PHTF1: variants seen among roughly 807,000 people sequenced by gnomAD.
PHTF1 encodes the protein putative homeodomain transcription factor 1.
Under a neutral mutation model 102.4 loss-of-function variants are expected in PHTF1, and 88 were observed. The ratio of observed to expected loss-of-function variants is 0.86; its 90% CI spans 0.72 to 1.03. PHTF1 has a LOEUF of 1.03. PHTF1 is among the 50% of genes least tolerant of loss of function. The pLI, the probability that PHTF1 is intolerant of heterozygous loss-of-function variation, is 0.00. For missense variants in PHTF1, 814 were observed against 909.5 expected (o/e 0.89, Z 1.35); for synonymous variants, 289 against 305.2 (o/e 0.95, Z 0.55).
chr1:113,720,824 G>A (rs1358813517), intron 7 of PHTF1, among the ~76,000 whole-genome samples: 1 of 152,206 alleles, frequency 6.6e-6, no homozygotes, highest in Admixed American at 6.5e-5. Context: ...CACCATGAGT[G>A]CCCTGCCCCG....
chr1:113,746,455 T>C (rs1657257989), intron 3 of PHTF1, among the ~76,000 whole-genome samples: 1 of 152,190 alleles, frequency 6.6e-6, no homozygotes, highest in Non-Finnish European at 1.5e-5. Flanking sequence ...TCTTCTCTTA[T>C]AGGAAGGCAC....
chr1:113,731,541 A>AAAAGAAAGAAAG (rs543797223), intron 5 of PHTF1, among the ~76,000 whole-genome samples: 1 of 151,418 alleles, frequency 6.6e-6, no homozygotes, highest in Non-Finnish European at 1.5e-5. Flanking sequence ...TATTTTAAAA[A>AAAAGAAAGAAAG]AAAGAAAGAA....
chr1:113,699,868 A>T, intron 16 of PHTF1, 69 bp from the exon 17 acceptor site: 1 of 728,078 alleles, frequency 1.4e-6, no homozygotes, highest in East Asian at 2.7e-5. Context: ...AAAATCTGGC[A>T]TATTTCAAAG....
intron 4 of PHTF1, 29 bp downstream of exon 4, chr1:113,738,701 T>C (rs750086557): frequency 4.6e-6 from 6 of 1,308,440 alleles, no homozygotes; most frequent in Non-Finnish European, 6.5e-6. Flanking sequence ...AATATAATAA[T>C]GTACATAAAA....
chr1:113,757,599 G>T, intron 3 of PHTF1, 100 bp downstream of exon 3: 1 of 767,078 alleles, frequency 1.3e-6, no homozygotes, highest in Non-Finnish European at 2.3e-6. Flanking sequence ...ATTAAAGAAT[G>T]CCATACTGGT....
At chr1:113,736,083 C>T (rs551005220) in intron 5 of PHTF1, among the ~76,000 whole-genome samples, 1 of 152,282 alleles carries the variant, frequency 6.6e-6, no homozygotes, top group South Asian at 2.1e-4. Context: ...TGGCTCACAC[C>T]TGTAATCCCA....
At chr1:113,710,783 C>T (rs1186588288) in intron 10 of PHTF1, among the ~76,000 whole-genome samples, 1 of 142,420 alleles carries the variant, frequency 7.0e-6, no homozygotes, top group Non-Finnish European at 1.5e-5. Context: ...TGCATACCAT[C>T]ACACCCGGAT....
intron 17 of PHTF1, chr1:113,698,897 A>T (rs1281085293): frequency 6.2e-6 from 1 of 161,386 alleles, no homozygotes; most frequent in Non-Finnish European, 1.3e-5. Flanking sequence ...GGCCATAGCT[A>T]GAGCTTGGGT....
At position 113,738,135 on chromosome 1, in the gene PHTF1, C is replaced by A. The variant is rs541473691; in HGVS notation, c.306G>T (p.Trp102Cys). 3 of 1,611,478 alleles carry A rather than the reference C, an allele frequency of 1.9e-6. No homozygotes were observed. Among genetic ancestry groups the A allele is most frequent in the Non-Finnish European group, 2.5e-6 (3 of 1,178,074 alleles). ...CTTGCATGAAATAAAGTAGTAACAGCCAAACAAAGATTCTTAAAGAGGTAA... is the reference window on the plus strand; with the variant it reads ...CTTGCATGAAATAAAGTAGTAACAGACAAACAAAGATTCTTAAAGAGGTAA... ...IQVTSLRIFVWLLLLYFMQVI... is the reference protein window; with the variant it reads ...IQVTSLRIFVCLLLLYFMQVI... The change falls in exon 5 of 19, where the codon TGG becomes TGT. Residue 102 changes from tryptophan (W) to cysteine (C), a missense_variant. Trp to Cys is a radical substitution (Grantham distance 215). Coordinates refer to ENST00000369604, the MANE Select transcript of PHTF1 (RefSeq NM_001323043.2).
intron 15 of PHTF1, among the ~76,000 whole-genome samples, chr1:113,702,454 A>T (rs1047621613): frequency 6.8e-6 from 1 of 147,710 alleles, no homozygotes; most frequent in Non-Finnish European, 1.5e-5. Flanking sequence ...AGGATGGATT[A>T]AAAAAAAAAG....
chr1:113,710,503 TG>T, intron 10 of PHTF1, 28 bp from the exon 11 acceptor site: 1 of 1,518,274 alleles, frequency 6.6e-7, no homozygotes, highest in Non-Finnish European at 9.1e-7. Flanking sequence ...AAGCAAAAAA[TG>T]TTATTCATCT....
intron 5 of PHTF1, among the ~76,000 whole-genome samples, chr1:113,734,701 T>C (rs990665964): frequency 3.3e-5 from 5 of 152,222 alleles, no homozygotes; most frequent in South Asian, 2.1e-4. Context: ...GTTCTTAGCC[T>C]ATCCACATTG....
chr1:113,733,527 G>C (rs1457432534), intron 5 of PHTF1, among the ~76,000 whole-genome samples: 1 of 152,068 alleles, frequency 6.6e-6, no homozygotes. Context: ...TAATGTGATC[G>C]TATTAGGAGA....
At chr1:113,718,653 T>C (rs1045992400) in intron 7 of PHTF1, among the ~76,000 whole-genome samples, 5 of 152,254 alleles carry the variant, frequency 3.3e-5, no homozygotes, top group Non-Finnish European at 7.3e-5. Flanking sequence ...TCTGTGCACC[T>C]GCAGGCTCGA....
At chr1:113,698,771 G>A in intron 17 of PHTF1, 1 of 192,526 alleles carries the variant, frequency 5.2e-6, no homozygotes. Flanking sequence ...TCAGCATTTT[G>A]AATCTACACA....
chr1:113,733,050 C>T (rs1389764332), intron 5 of PHTF1, among the ~76,000 whole-genome samples: 7 of 146,534 alleles, frequency 4.8e-5, no homozygotes, highest in Non-Finnish European at 7.4e-5. Flanking sequence ...GCTTGCACCA[C>T]GCCTGGCTAA....
chr1:113,700,219 G>A, intron 16 of PHTF1: 1 of 902,546 alleles, frequency 1.1e-6, no homozygotes, highest in Non-Finnish European at 1.3e-6. Flanking sequence ...ATTTTGCCTT[G>A]TAGGAAGAAT....
rs1309500055 is a variant in PHTF1 at position 113,713,013 on chromosome 1, G to A, written c.783+266C>T. Among the ~76,000 whole-genome samples, 6 of 152,006 alleles carry A rather than the reference G, an allele frequency of 3.9e-5. 1 individual carries two copies. Among genetic ancestry groups the A allele is most frequent in the Admixed American group, 2.6e-4 (4 of 15,252 alleles). Reference sequence around the variant, plus strand: ...TCACCGTGTTAGCCAAGATGATCTCGATCTCCTGACCTCGTGATCCGCCTG... The same window carrying A: ...TCACCGTGTTAGCCAAGATGATCTCAATCTCCTGACCTCGTGATCCGCCTG... On this transcript the variant is annotated intron_variant, in intron 8 of 18. Transcript: ENST00000369604.
chr1:113,738,933 C>G (rs1447288512), intron 3 of PHTF1, 134 bp from the exon 4 acceptor site: 5 of 488,440 alleles, frequency 1.0e-5, no homozygotes, highest in Non-Finnish European at 1.8e-5. Context: ...CTCACTGCAA[C>G]CTCTGCCTCC....
Sources: gnomAD v4.1 joint callset for allele counts (sites outside exome capture counted in the v4.1 genomes callset) on GRCh38, gnomAD v4.1.1 for gene constraint, MANE v1.5 for transcripts, NCBI Gene and HGNC (gene_info 2026-07-23, HGNC 2026-07-21) for gene names.